The following ACOXL variants were observed in gnomAD, a reference collection of about 807,000 sequenced individuals.
ACOXL encodes the protein acyl-coenzyme A oxidase-like protein.
Under a neutral mutation model 71.9 loss-of-function variants are expected in ACOXL, and 70 were observed. That is an observed-to-expected ratio of 0.97 (90% CI 0.80 to 1.19). ACOXL has a LOEUF of 1.19. Ranked by LOEUF, ACOXL falls within the 50% of genes most tolerant of loss-of-function variation. The pLI, the probability that ACOXL is intolerant of heterozygous loss-of-function variation, is 0.00. For synonymous variants in ACOXL, 253 were observed against 281.6 expected, an observed-to-expected ratio of 0.90 and a Z score of 1.02; for missense variants, 703 against 736.3, an observed-to-expected ratio of 0.95 and a Z score of 0.52.
intron 3 of ACOXL, among the ~76,000 whole-genome samples, chr2:110,792,733 A>G (rs1684797348): frequency 6.6e-6 from 1 of 152,188 alleles, no homozygotes; most frequent in South Asian, 2.1e-4. Flanking sequence ...TGAGAGTTTG[A>G]CAATGCAGTG....
At chr2:110,889,675 A>C (rs76187592) in intron 10 of ACOXL, among the ~76,000 whole-genome samples, 48 of 152,224 alleles carry the variant, frequency 3.2e-4, no homozygotes, top group Non-Finnish European at 5.9e-4. Context: ...TTGGAATTTC[A>C]TTTCTTTTTA....
chr2:110,832,395 G>A lies in ACOXL; in HGVS notation c.754-8976G>A, dbSNP rs574390524. Among the ~76,000 whole-genome samples the A allele has an allele frequency of 1.1e-4, 16 of 151,938 alleles. No individual in the cohort carries two copies. The East Asian group carries it at 1.2e-3, about 11-fold the overall frequency. ...CTACTAAAAATACAAAAAATTAGCC[G>A]GGTGCGGTGGCGGGCGCCTGTAGTC... is the stretch of plus-strand genomic sequence containing the variant. On this transcript the variant is annotated intron_variant, in intron 9 of 17. Transcript: ENST00000439055.
chr2:111,016,082 C>G (rs1221307497), intron 14 of ACOXL, among the ~76,000 whole-genome samples: 1 of 148,766 alleles, frequency 6.7e-6, no homozygotes, highest in African/African-American at 2.5e-5. Flanking sequence ...ATGGGCATGT[C>G]CCACCACGCC....
At chr2:111,061,736 A>G (rs909991765) in intron 16 of ACOXL, among the ~76,000 whole-genome samples, 4 of 152,160 alleles carry the variant, frequency 2.6e-5, no homozygotes, top group African/African-American at 9.6e-5. Flanking sequence ...GATGTAAAGG[A>G]TGGTAAACTT....
At chr2:110,806,733 A>G (rs1443110810) in intron 9 of ACOXL, among the ~76,000 whole-genome samples, 4 of 152,172 alleles carry the variant, frequency 2.6e-5, no homozygotes, top group African/African-American at 9.7e-5. Context: ...GCGCATATAA[A>G]AAACGCAAGG....
chr2:110,811,730 T>TGCACACACACACACAC (rs1396925272), intron 9 of ACOXL, among the ~76,000 whole-genome samples: 1 of 101,614 alleles, frequency 9.8e-6, no homozygotes, highest in Non-Finnish European at 1.9e-5. Flanking sequence ...TTTTTTTGCA[T>TGCACACACACACACAC]ACACACACAC....
intron 17 of ACOXL, chr2:111,113,250 T>C (rs1207942361): frequency 6.6e-6 from 1 of 152,254 alleles, no homozygotes; most frequent in Admixed American, 6.5e-5. Flanking sequence ...ACAAGTTATG[T>C]GACTTAAATT....
At chr2:110,991,453 T>C (rs2063170410) in intron 13 of ACOXL, among the ~76,000 whole-genome samples, 3 of 152,214 alleles carry the variant, frequency 2.0e-5, no homozygotes, top group Admixed American at 2.0e-4. Flanking sequence ...ATTATACTTT[T>C]AGAGAGCTTG....
chr2:110,784,872 G>A, intron 3 of ACOXL, 57 bp downstream of exon 3: 1 of 1,498,456 alleles, frequency 6.7e-7, no homozygotes, highest in South Asian at 1.2e-5. Context: ...GCATGCCAAG[G>A]AATGAAAACT....
intron 17 of ACOXL, among the ~76,000 whole-genome samples, chr2:111,096,218 T>C (rs1203939488): frequency 7.8e-6 from 1 of 128,020 alleles, no homozygotes; most frequent in Non-Finnish European, 1.6e-5. Flanking sequence ...GAATTTTTAT[T>C]TTTAAAATTA....
At chr2:110,987,351 T>A in intron 13 of ACOXL, 134 bp downstream of exon 13, 1 of 742,384 alleles carries the variant, frequency 1.3e-6, no homozygotes, top group Non-Finnish European at 2.3e-6. Context: ...TGTGAATCTG[T>A]AAAATGAATA....
intron 17 of ACOXL, 22 bp from the exon 18 acceptor site, chr2:111,117,594 C>A (rs1220836210): frequency 6.4e-7 from 1 of 1,551,424 alleles, no homozygotes; most frequent in Non-Finnish European, 8.7e-7. Flanking sequence ...TCTGACCTGT[C>A]CCATTGTGTT....
At position 110,881,315 on chromosome 2, in the gene ACOXL, C is replaced by G. The variant is rs560923665; in HGVS notation, c.789-27474C>G. On this transcript the variant is annotated intron_variant, in intron 10 of 17. Coordinates refer to ENST00000439055, the MANE Select transcript of ACOXL (RefSeq NM_001142807.4). ...TCTCTCTTGAGGTTTTCTAGATTCA[C>G]TTGTGAAATTATTAAATTATTTGTG... Among the ~76,000 whole-genome samples, 2 of 152,108 alleles carry G rather than the reference C, an allele frequency of 1.3e-5. 1 individual carries two copies. Among genetic ancestry groups the G allele is most frequent in the South Asian group, 4.2e-4 (2 of 4,816 alleles).
At chr2:111,013,877 A>G (rs1039445640) in intron 14 of ACOXL, among the ~76,000 whole-genome samples, 3 of 152,218 alleles carry the variant, frequency 2.0e-5, no homozygotes, top group Non-Finnish European at 2.9e-5. Flanking sequence ...GTGAAAATAC[A>G]TAATAGAATA....
chr2:110,788,222 A>G (rs568415772), intron 3 of ACOXL, among the ~76,000 whole-genome samples: 1 of 152,352 alleles, frequency 6.6e-6, no homozygotes, highest in Admixed American at 6.5e-5. Context: ...AATAGCTAAA[A>G]GCTGGAAACA....
chr2:110,857,204 AC>A (rs1212493281), intron 10 of ACOXL, among the ~76,000 whole-genome samples: 2 of 152,232 alleles, frequency 1.3e-5, no homozygotes, highest in African/African-American at 4.8e-5. Context: ...ACTCATGGTC[AC>A]AATATGGCTG....
chr2:111,022,683 A>G (rs1417765457), intron 14 of ACOXL, among the ~76,000 whole-genome samples: 1 of 152,118 alleles, frequency 6.6e-6, no homozygotes, highest in Non-Finnish European at 1.5e-5. Context: ...AGGTGTGGGC[A>G]GGACCCCCAG....
At chr2:111,090,902 ATGGAATCCTCGCCTTT>A (rs2068486377) in intron 16 of ACOXL, among the ~76,000 whole-genome samples, 1 of 152,132 alleles carries the variant, frequency 6.6e-6, no homozygotes, top group African/African-American at 2.4e-5. Context: ...GCCTGCATCC[ATGGAATCCTCGCCTTT>A]TGGACTTAGT....
At chr2:111,057,562 G>A (rs1042222082) in intron 16 of ACOXL, among the ~76,000 whole-genome samples, 36 of 152,200 alleles carry the variant, frequency 2.4e-4, no homozygotes, top group African/African-American at 8.7e-4. Context: ...CCAGGGGCCA[G>A]GAGTAGAGAG....
Sources: allele counts gnomAD v4.1 joint callset (sites outside exome capture counted in the v4.1 genomes callset), GRCh38; gene constraint gnomAD v4.1.1; transcripts MANE v1.5; gene names NCBI Gene and HGNC (gene_info 2026-07-23, HGNC 2026-07-21).